Variants in NFATC3 observed in about 807,000 individuals in gnomAD.
NFATC3 encodes nuclear factor of activated T cells 3, also known as nuclear factor of activated T-cells, cytoplasmic 3.
Under a neutral mutation model 98.6 loss-of-function variants are expected in NFATC3, and 46 were observed. The observed-to-expected ratio is 0.47, with a 90% CI of 0.37 to 0.60. The LOEUF (loss-of-function observed/expected upper bound fraction) is 0.60. Ranked by LOEUF, NFATC3 falls within the 20% of genes least tolerant of loss-of-function variation. The pLI is 0.00. For missense variants in NFATC3, 1,256 were observed against 1,295.5 expected, an observed-to-expected ratio of 0.97 and a Z score of 0.47; for synonymous variants, 512 against 472.2, an observed-to-expected ratio of 1.08 and a Z score of -1.09.
chr16:68,217,881 C>G (rs9938020), intron 9 of NFATC3: 211,719 of 1,225,560 alleles, frequency 0.17, 19,530 homozygotes, highest in African/African-American at 0.32. Flanking sequence ...CCTAGCTACA[C>G]TGGGGAAGCC....
intron 1 of NFATC3, among the ~76,000 whole-genome samples, chr16:68,088,108 T>G (rs1375320751): frequency 1.3e-5 from 2 of 151,962 alleles, no homozygotes; most frequent in Non-Finnish European, 2.9e-5. Flanking sequence ...ACTGAAATGA[T>G]TTTAGGATAA....
rs780479578 is a variant in NFATC3, at chr16:68,191,411, A to T, written c.2742A>T (p.Thr914=). Residue 914 remains threonine (T), a synonymous_variant, in exon 9 of 10, where the codon ACA becomes ACT. Transcript: ENST00000346183. ...GQPSSQLQPI[T]YGPSHSGSAT... is the part of the protein sequence containing the mutation. ...CTTCGTCTCAGTTACAACCTATTAC[A>T]TATGGTCCTTCACATTCAGGGTCTG... is the stretch of plus-strand genomic sequence containing the variant. 1.2e-6 allele frequency: 2 copies of T among 1,614,026 alleles called. No homozygotes were observed. The highest frequency in any genetic ancestry group is 2.2e-5 in the East Asian group (1 of 44,900).
intron 1 of NFATC3, among the ~76,000 whole-genome samples, chr16:68,093,905 T>G (rs928585461): frequency 2.0e-5 from 3 of 152,212 alleles, no homozygotes; most frequent in African/African-American, 7.2e-5. Context: ...GTTGGGCATA[T>G]GGAATCAAAC....
chr16:68,160,261 C>T (rs768316179), intron 4 of NFATC3, among the ~76,000 whole-genome samples: 3 of 151,690 alleles, frequency 2.0e-5, no homozygotes, highest in Non-Finnish European at 2.9e-5. Flanking sequence ...GTCAGGAGTT[C>T]GAGACCAGCG....
At chr16:68,150,495 T>G (rs1369306588) in intron 3 of NFATC3, among the ~76,000 whole-genome samples, 3 of 149,702 alleles carry the variant, frequency 2.0e-5, no homozygotes, top group African/African-American at 7.4e-5. Flanking sequence ...AGTGGAAGGA[T>G]CCTTTGAGCC....
At chr16:68,161,638 T>C (rs1345432087) in intron 4 of NFATC3, among the ~76,000 whole-genome samples, 2 of 152,230 alleles carry the variant, frequency 1.3e-5, no homozygotes, top group African/African-American at 4.8e-5. Context: ...ACTTTTTGCC[T>C]TGGCTTCCAG....
At chr16:68,088,722 CAG>C (rs1475133624) in intron 1 of NFATC3, 1 of 152,224 alleles carries the variant, frequency 6.6e-6, no homozygotes, top group African/African-American at 2.4e-5. Flanking sequence ...TTAGTAGAGA[CAG>C]AGTTTCACCA....
chr16:68,187,486 G>A lies in NFATC3; in HGVS notation c.2099-3282G>A, dbSNP rs117078787. ...ACAAATGGAGGGTGAGCGGGATGAAGAGGAGCTTTTTTGAGCAATAGAAGA... is the reference window on the plus strand; with the variant it reads ...ACAAATGGAGGGTGAGCGGGATGAAAAGGAGCTTTTTTGAGCAATAGAAGA... On this transcript the variant is annotated intron_variant, in intron 8 of 9. Coordinates refer to ENST00000346183, the MANE Select transcript of NFATC3 (RefSeq NM_173165.3). Among the ~76,000 whole-genome samples the A allele has an allele frequency of 5.9e-3, 892 of 152,302 alleles. 6 individuals carry two copies. The highest frequency in any genetic ancestry group is 9.4e-3 in the Non-Finnish European group (636 of 68,018).
At chr16:68,202,537 C>T (rs569534841) in intron 9 of NFATC3, among the ~76,000 whole-genome samples, 6 of 152,156 alleles carry the variant, frequency 3.9e-5, no homozygotes, top group Admixed American at 3.3e-4. Flanking sequence ...CAAGGCAAGG[C>T]GCGGTGGCTG....
At chr16:68,140,624 A>C (rs2037701733) in intron 3 of NFATC3, among the ~76,000 whole-genome samples, 2 of 152,104 alleles carry the variant, frequency 1.3e-5, no homozygotes, top group Non-Finnish European at 2.9e-5. Context: ...TATATCTTAT[A>C]AAATTAATAC....
chr16:68,163,762 C>T (rs1201627771), intron 4 of NFATC3, among the ~76,000 whole-genome samples: 295 of 146,608 alleles, frequency 2.0e-3, no homozygotes, highest in Middle Eastern at 4.0e-3. Context: ...ACATCCCAGA[C>T]GGGGCGGTGG....
chr16:68,112,640 T>TTTTTC, intron 1 of NFATC3, among the ~76,000 whole-genome samples: 1 of 147,276 alleles, frequency 6.8e-6, no homozygotes, highest in African/African-American at 2.5e-5. Context: ...TCATTTTTTC[T>TTTTTC]TTTTCGTTTT....
chr16:68,107,403 A>G (rs1251428972), intron 1 of NFATC3, among the ~76,000 whole-genome samples: 2 of 152,044 alleles, frequency 1.3e-5, no homozygotes, highest in Non-Finnish European at 2.9e-5. Context: ...CCTCGCCAAC[A>G]TCTGTTGTTT....
chr16:68,174,560 G>T, intron 6 of NFATC3, 46 bp downstream of exon 6: 2 of 1,395,258 alleles, frequency 1.4e-6, no homozygotes, highest in Non-Finnish European at 1.9e-6. Context: ...GGGGCAAAGG[G>T]TAAAATAAAT....
At chr16:68,211,149 C>G (rs999859959) in intron 9 of NFATC3, among the ~76,000 whole-genome samples, 1 of 151,556 alleles carries the variant, frequency 6.6e-6, no homozygotes, top group African/African-American at 2.4e-5. Context: ...GTTTCCTTTT[C>G]TTTAATCTTT....
intron 5 of NFATC3, among the ~76,000 whole-genome samples, chr16:68,171,209 A>G (rs185308580): frequency 3.7e-4 from 56 of 152,070 alleles, no homozygotes; most frequent in Admixed American, 3.4e-3. Context: ...GGGTTTCACC[A>G]TGTTGGCCAG....
chr16:68,094,214 T>C (rs1257295396), intron 1 of NFATC3, among the ~76,000 whole-genome samples: 1 of 152,204 alleles, frequency 6.6e-6, no homozygotes, highest in Non-Finnish European at 1.5e-5. Context: ...TTGGCCTTTG[T>C]CTTTGGCAGC....
intron 9 of NFATC3, among the ~76,000 whole-genome samples, chr16:68,220,570 T>A (rs892823898): frequency 4.0e-5 from 6 of 151,488 alleles, no homozygotes; most frequent in Non-Finnish European, 8.8e-5. Context: ...CCTCACATAC[T>A]TAGTGGACTA....
chr16:68,133,276 A>G (rs997603786), intron 3 of NFATC3, among the ~76,000 whole-genome samples: 7 of 152,202 alleles, frequency 4.6e-5, no homozygotes, highest in African/African-American at 1.7e-4. Context: ...AAATAAAATT[A>G]TGTGTATGTT....
Sources: allele counts gnomAD v4.1 joint callset (sites outside exome capture counted in the v4.1 genomes callset), GRCh38; gene constraint gnomAD v4.1.1; transcripts MANE v1.5; gene names NCBI Gene and HGNC (gene_info 2026-07-23, HGNC 2026-07-21).